Variants in RANBP17 observed in about 807,000 individuals in gnomAD.
The protein encoded by RANBP17 is ran-binding protein 17.
Under a neutral mutation model 141.2 loss-of-function variants are expected in RANBP17, and 158 were observed. That is an observed-to-expected ratio of 1.12 (90% CI 0.98 to 1.28). The LOEUF is 1.28. Ranked by LOEUF, RANBP17 falls within the 50% of genes most tolerant of loss-of-function variation. The pLI, the probability that RANBP17 is intolerant of heterozygous loss-of-function variation, is 0.00. For synonymous variants in RANBP17, 430 were observed against 450.0 expected (o/e 0.96, Z 0.56); for missense variants, 1,438 against 1,290.7 (o/e 1.11, Z -1.75).
intron 5 of RANBP17, among the ~76,000 whole-genome samples, chr5:170,907,691 T>C (rs1771178392): frequency 6.6e-6 from 1 of 151,992 alleles, no homozygotes; most frequent in South Asian, 2.1e-4. Flanking sequence ...AGATAAAATG[T>C]ATCTCACAGA....
chr5:171,049,292 C>T (rs1782799874), intron 14 of RANBP17, among the ~76,000 whole-genome samples: 1 of 152,016 alleles, frequency 6.6e-6, no homozygotes, highest in Admixed American at 6.6e-5. Context: ...TGAAAAGTGT[C>T]AGTTCATGTC....
At chr5:170,948,512 A>T (rs1774942731) in intron 12 of RANBP17, among the ~76,000 whole-genome samples, 1 of 152,230 alleles carries the variant, frequency 6.6e-6, no homozygotes, top group Admixed American at 6.5e-5. Context: ...TTTAAAAAGA[A>T]GTGTAAGAAT....
intron 14 of RANBP17, among the ~76,000 whole-genome samples, chr5:171,004,071 C>T (rs1200301154): frequency 3.3e-5 from 5 of 152,096 alleles, no homozygotes; most frequent in African/African-American, 1.2e-4. Context: ...GTTTTAGAAG[C>T]CCATGCTGTA....
At chr5:171,231,325 C>A (rs1358626243) in intron 22 of RANBP17, among the ~76,000 whole-genome samples, 1 of 151,952 alleles carries the variant, frequency 6.6e-6, no homozygotes, top group African/African-American at 2.4e-5. Context: ...AACATGATTC[C>A]CTCCTATATG....
chr5:171,266,125 C>T (rs1176398576), intron 25 of RANBP17, among the ~76,000 whole-genome samples: 2 of 152,088 alleles, frequency 1.3e-5, no homozygotes, highest in Non-Finnish European at 2.9e-5. Context: ...AAAAATTAGA[C>T]AAAACCGGAA....
chr5:171,293,221 C>G (rs985811830), intron 25 of RANBP17, among the ~76,000 whole-genome samples: 13 of 152,212 alleles, frequency 8.5e-5, no homozygotes, highest in Non-Finnish European at 1.6e-4. Flanking sequence ...TAGTCTCCCC[C>G]AGGAGGTTTC....
chr5:171,258,267 A>C (rs1766054077), intron 24 of RANBP17, among the ~76,000 whole-genome samples: 1 of 152,150 alleles, frequency 6.6e-6, no homozygotes, highest in African/African-American at 2.4e-5. Flanking sequence ...AAAACATCCT[A>C]TGCTCATGGA....
intron 13 of RANBP17, among the ~76,000 whole-genome samples, chr5:170,965,698 C>G (rs1479248276): frequency 5.9e-5 from 9 of 152,124 alleles, no homozygotes; most frequent in Non-Finnish European, 1.3e-4. Context: ...TGTCAAAGAT[C>G]AGATAGTTGT....
chr5:171,131,241 C>A (rs74537570), intron 14 of RANBP17, among the ~76,000 whole-genome samples: 1 of 152,108 alleles, frequency 6.6e-6, no homozygotes, highest in African/African-American at 2.4e-5. Flanking sequence ...ATATAAAATT[C>A]TCCTTAAAAA....
intron 14 of RANBP17, among the ~76,000 whole-genome samples, chr5:170,971,699 C>G (rs1777002133): frequency 6.6e-6 from 1 of 152,120 alleles, no homozygotes; most frequent in Non-Finnish European, 1.5e-5. Flanking sequence ...GTCACCTAAT[C>G]CTGTGAATTT....
intron 12 of RANBP17, among the ~76,000 whole-genome samples, chr5:170,948,674 C>T (rs1180589517): frequency 6.6e-6 from 1 of 152,164 alleles, no homozygotes; most frequent in African/African-American, 2.4e-5. Flanking sequence ...ACTTTAAAAT[C>T]CCATGGGTTT....
intron 24 of RANBP17, among the ~76,000 whole-genome samples, chr5:171,249,484 C>A (rs1470472247): frequency 2.0e-5 from 3 of 152,102 alleles, no homozygotes; most frequent in Non-Finnish European, 4.4e-5. Flanking sequence ...GATTTTAAAG[C>A]AGCTCAGTGT....
intron 20 of RANBP17, 92 bp downstream of exon 20, chr5:171,205,704 G>A: frequency 2.0e-6 from 2 of 982,288 alleles, no homozygotes; most frequent in Non-Finnish European, 3.3e-6. Flanking sequence ...CAGTAGGGAA[G>A]AGGAAACAAA....
At chr5:171,083,446 A>G (rs1195664637) in intron 14 of RANBP17, among the ~76,000 whole-genome samples, 1 of 152,164 alleles carries the variant, frequency 6.6e-6, no homozygotes, top group Non-Finnish European at 1.5e-5. Flanking sequence ...CAGAGCTGTG[A>G]GAAATAAATT....
chr5:170,932,418 G>T (rs1773470072), intron 12 of RANBP17, among the ~76,000 whole-genome samples: 1 of 152,124 alleles, frequency 6.6e-6, no homozygotes, highest in South Asian at 2.1e-4. Flanking sequence ...CTGCCTGATT[G>T]CCCTGGTCAG....
chr5:170,959,416 C>T (rs1775979373), intron 13 of RANBP17, among the ~76,000 whole-genome samples: 1 of 152,184 alleles, frequency 6.6e-6, no homozygotes, highest in East Asian at 1.9e-4. Flanking sequence ...TACCCTTTCC[C>T]ATTTAACACT....
intron 5 of RANBP17, chr5:170,904,414 AG>A (rs1259864952): frequency 6.4e-6 from 1 of 155,966 alleles, no homozygotes; most frequent in Non-Finnish European, 1.4e-5. Context: ...AGTGGATGCC[AG>A]AAAAAACATA....
At chr5:171,196,058 C>T (rs994332735) in intron 18 of RANBP17, among the ~76,000 whole-genome samples, 1 of 152,126 alleles carries the variant, frequency 6.6e-6, no homozygotes, top group African/African-American at 2.4e-5. Flanking sequence ...CAATTTCCTT[C>T]CCAGGGAACT....
intron 22 of RANBP17, among the ~76,000 whole-genome samples, chr5:171,234,067 A>C (rs577394067): frequency 8.7e-4 from 133 of 152,126 alleles, no homozygotes; most frequent in African/African-American, 3.0e-3. Context: ...AAAAAAAAAA[A>C]ATACACACAC....
Sources: gnomAD v4.1 joint callset for allele counts (sites outside exome capture counted in the v4.1 genomes callset) on GRCh38, gnomAD v4.1.1 for gene constraint, MANE v1.5 for transcripts, NCBI Gene and HGNC (gene_info 2026-07-23, HGNC 2026-07-21) for gene names.